The following PAPOLG variants were observed in gnomAD, a reference collection of about 807,000 sequenced individuals.
PAPOLG encodes the protein PAP-gamma.
In PAPOLG, 40 loss-of-function variants were observed where a neutral mutation model predicts 99.0. The ratio of observed to expected loss-of-function variants is 0.40; its 90% CI spans 0.31 to 0.53. The LOEUF is 0.53. Ranked by LOEUF, PAPOLG falls within the 20% of genes least tolerant of loss-of-function variation. PAPOLG has a pLI of 0.41. For synonymous variants in PAPOLG, 310 were observed against 299.3 expected, an observed-to-expected ratio of 1.04 and a Z score of -0.37; for missense variants, 675 against 884.1, an observed-to-expected ratio of 0.76 and a Z score of 3.00.
chr2:60,783,952 C>T, intron 13 of PAPOLG, among the ~76,000 whole-genome samples: 1 of 152,112 alleles, frequency 6.6e-6, no homozygotes, highest in Non-Finnish European at 1.5e-5. Context: ...TGATAGCTAC[C>T]ATCTGAGTTT....
chr2:60,783,971 T>A (rs949161333), intron 13 of PAPOLG, among the ~76,000 whole-genome samples: 1 of 152,158 alleles, frequency 6.6e-6, no homozygotes, highest in African/African-American at 2.4e-5. Context: ...TTCTCTTTTC[T>A]TTGTTTTTAT....
intron 10 of PAPOLG, 114 bp from the exon 11 acceptor site, chr2:60,781,771 T>G: frequency 7.1e-7 from 1 of 1,409,902 alleles, no homozygotes; most frequent in Non-Finnish European, 9.7e-7. Flanking sequence ...CTTCTTAAAC[T>G]TGAGGAAATG....
intron 1 of PAPOLG, 131 bp from the exon 2 acceptor site, chr2:60,760,003 C>G (rs1670475341): frequency 1.2e-6 from 1 of 846,964 alleles, no homozygotes; most frequent in East Asian, 2.7e-5. Flanking sequence ...AAGAAAGTGT[C>G]TGCCACTACT....
intron 5 of PAPOLG, among the ~76,000 whole-genome samples, chr2:60,769,350 A>T (rs1670779120): frequency 6.6e-6 from 1 of 152,228 alleles, no homozygotes; most frequent in Admixed American, 6.5e-5. Context: ...AAATTTCAGC[A>T]CTAGTAATTT....
chr2:60,792,099 T>C (rs768329941), intron 16 of PAPOLG, 30 bp from the exon 17 acceptor site: 12 of 1,559,112 alleles, frequency 7.7e-6, no homozygotes, highest in Non-Finnish European at 9.5e-6. Flanking sequence ...ATTTGCATTT[T>C]GAAATCCTAA....
chr2:60,783,139 T>A lies in PAPOLG; in HGVS notation c.1113-17T>A, dbSNP rs1465494856. ...TTTTCTGGCTTTTTTTCCTGATTGT[T>A]GCTGAAAATTCTTCAGACATTATAT... is the stretch of plus-strand genomic sequence containing the variant. On this transcript the variant is annotated splice_polypyrimidine_tract_variant and intron_variant, in intron 12 of 21. Transcript: ENST00000238714. The A allele has an allele frequency of 6.4e-7, 1 of 1,552,456 alleles. No individual in the cohort carries two copies.
Position 60,799,778 on chromosome 2 carries a change from C to A in PAPOLG, c.*2618C>A, listed in dbSNP as rs920464367. The A allele has an allele frequency of 1.1e-4, 17 of 151,774 alleles. No individual in the cohort carries two copies. The highest frequency in any genetic ancestry group is 4.1e-4 in the African/African-American group (17 of 41,270). 9.4% of individuals were successfully genotyped at this position (151,774 alleles called of 1,614,324 possible). A position where few individuals can be genotyped will look rare whatever the true frequency, so the allele number is the denominator to read the frequency against. ...TAGCTGGGATTACAGGCACCCACCA[C>A]CTCGCCCAGCTAATTTTTGTATTTT... On this transcript the variant is annotated 3_prime_UTR_variant, in exon 22 of 22. Transcript: ENST00000238714.
chr2:60,763,830 G>A (rs1670594488), intron 3 of PAPOLG, among the ~76,000 whole-genome samples: 1 of 150,594 alleles, frequency 6.6e-6, no homozygotes, highest in Non-Finnish European at 1.5e-5. Flanking sequence ...TTGAGACATG[G>A]TCTCTCTCTG....
rs771812297 is a variant in PAPOLG at position 60,801,392 on chromosome 2, GT to G, written c.*4242del. Reference sequence around the variant, plus strand: ...TGGAAGAAAACCAGTCTCAATAATGGTTTTTTTTTTCCAATTGCATAAGGTC... The same window carrying G: ...TGGAAGAAAACCAGTCTCAATAATGGTTTTTTTTTCCAATTGCATAAGGTC... On this transcript the variant is annotated 3_prime_UTR_variant, in exon 22 of 22. Transcript: ENST00000238714. 5.4e-5 allele frequency: 8 copies of G among 149,060 alleles called. No homozygotes were observed. Among genetic ancestry groups the G allele is most frequent in the South Asian group, 4.3e-4 (2 of 4,686 alleles). 9.2% of individuals were successfully genotyped at this position (149,060 alleles called of 1,614,324 possible). A position where few individuals can be genotyped will look rare whatever the true frequency, so the allele number is the denominator to read the frequency against.
chr2:60,780,602 A>T, intron 9 of PAPOLG, 105 bp from the exon 10 acceptor site: 2 of 1,209,202 alleles, frequency 1.7e-6, no homozygotes, highest in Non-Finnish European at 2.4e-6. Flanking sequence ...CCAAATACCC[A>T]GAACATTCAC....
chr2:60,775,231 A>G, intron 8 of PAPOLG, 108 bp downstream of exon 8: 1 of 1,291,338 alleles, frequency 7.7e-7, no homozygotes, highest in Non-Finnish European at 1.0e-6. Context: ...GTTGGAGGTT[A>G]AGGGCCAATA....
At chr2:60,792,405 T>G (rs1231970050) in intron 17 of PAPOLG, 116 bp downstream of exon 17, 21 of 985,660 alleles carry the variant, frequency 2.1e-5, no homozygotes, top group Non-Finnish European at 3.1e-5. Flanking sequence ...GATTTCATTT[T>G]ACTGGCTGCT....
At chr2:60,776,258 A>C (rs556653892) in intron 8 of PAPOLG, among the ~76,000 whole-genome samples, 2 of 151,948 alleles carry the variant, frequency 1.3e-5, no homozygotes, top group Non-Finnish European at 2.9e-5. Context: ...TCTGAGCAGT[A>C]GATCTCACCA....
At chr2:60,792,990 C>T (rs907865449) in intron 17 of PAPOLG, among the ~76,000 whole-genome samples, 9 of 151,256 alleles carry the variant, frequency 6.0e-5, no homozygotes, top group African/African-American at 7.3e-5. Context: ...GAGCTGAGAT[C>T]GTGCCATTGC....
intron 11 of PAPOLG, 31 bp from the exon 12 acceptor site, chr2:60,782,650 CTTCTT>C: frequency 1.6e-6 from 2 of 1,236,794 alleles, no homozygotes; most frequent in Non-Finnish European, 1.0e-6. Flanking sequence ...AATCATTCTT[CTTCTT>C]TTTTTTTTTT....
intron 7 of PAPOLG, 72 bp downstream of exon 7, chr2:60,771,702 T>C (rs1670855978): frequency 6.7e-7 from 1 of 1,502,446 alleles, no homozygotes; most frequent in Non-Finnish European, 9.0e-7. Context: ...TTTTGCTGAA[T>C]TGACTATTCA....
Position 60,797,097 on chromosome 2 carries a change from T to G in PAPOLG, c.2148T>G (p.Ser716=), listed in dbSNP as rs1170585004. 12 of 1,613,698 alleles carry G rather than the reference T, an allele frequency of 7.4e-6. No homozygotes were observed. The highest frequency in any genetic ancestry group is 8.5e-7 in the Non-Finnish European group (1 of 1,179,588). ...GTAAAGAACTACCAGATTCATCATC[T>G]CCAGTTCCAGCAAACAACATCCGTG... The part of the protein sequence containing the change: ...LPSKELPDSS[S]PVPANNIRVI... Residue 716 remains serine, a synonymous_variant, in exon 22 of 22, where the codon TCT becomes TCG. Coordinates refer to ENST00000238714, the MANE Select transcript of PAPOLG (RefSeq NM_022894.4).
rs1671795363 is a variant in PAPOLG at position 60,799,284 on chromosome 2, G to C, written c.*2124G>C. On this transcript the variant is annotated 3_prime_UTR_variant, in exon 22 of 22. Coordinates refer to ENST00000238714, the MANE Select transcript of PAPOLG (RefSeq NM_022894.4). ...GACTAGTGGAGTTTTTCTTTAATAAGGAAGCAACAAGTCTAACCTTGTACT... is the reference window on the plus strand; with the variant it reads ...GACTAGTGGAGTTTTTCTTTAATAACGAAGCAACAAGTCTAACCTTGTACT... 1.3e-5 allele frequency: 2 copies of C among 152,284 alleles called. No individual in the cohort carries two copies. Among genetic ancestry groups the C allele is most frequent in the East Asian group, 1.9e-4 (1 of 5,330 alleles). The allele number at this position is 152,284 out of a possible 1,614,324, so 9.4% of individuals were successfully genotyped here.
At chr2:60,756,637 TCCGCAAGGGCACCTCCCCTAAA>T (rs1670349903) in intron 1 of PAPOLG, 142 bp downstream of exon 1, 1 of 921,274 alleles carries the variant, frequency 1.1e-6, no homozygotes, top group Non-Finnish European at 1.6e-6. Context: ...TCCCGGCCGG[TCCGCAAGGGCACCTCCCCTAAA>T]CCCGGCGGCT....
Sources: allele counts gnomAD v4.1 joint callset (sites outside exome capture counted in the v4.1 genomes callset), GRCh38; gene constraint gnomAD v4.1.1; transcripts MANE v1.5; gene names NCBI Gene and HGNC (gene_info 2026-07-23, HGNC 2026-07-21).